Variants in SSRP1 observed in about 807,000 individuals in gnomAD.
SSRP1 encodes the protein structure specific recognition protein 1.
A neutral mutation model predicts 84.4 loss-of-function variants in SSRP1; 21 were observed. The observed-to-expected ratio is 0.25, with a 90% CI of 0.18 to 0.36. The LOEUF (loss-of-function observed/expected upper bound fraction) is 0.36. SSRP1 is among the 10% of genes least tolerant of loss of function. The pLI, the probability that SSRP1 is intolerant of heterozygous loss-of-function variation, is 1.00. For missense variants in SSRP1, 519 were observed against 900.8 expected, an observed-to-expected ratio of 0.58 and a Z score of 5.43; for synonymous variants, 319 against 318.3, an observed-to-expected ratio of 1.00 and a Z score of -0.02.
intron 2 of SSRP1, 72 bp downstream of exon 2, chr11:57,334,994 GCT>G: frequency 6.5e-7 from 1 of 1,546,606 alleles, no homozygotes; most frequent in Non-Finnish European, 8.9e-7. Context: ...ACCAAAGCAA[GCT>G]CTCATTAATG....
intron 12 of SSRP1, chr11:57,329,446 A>G (rs1352283763): frequency 6.4e-6 from 1 of 155,460 alleles, no homozygotes. Flanking sequence ...TGTTCACCAA[A>G]AGAGGCACTT....
chr11:57,330,691 C>A lies in SSRP1; in HGVS notation c.1296+164G>T, dbSNP rs1026626528. ...CTGCATAGACTGGTCTAAGGTCATG[C>A]AGAGGAAACCTGCACCAGGAGGGGG... is the stretch of plus-strand genomic sequence containing the variant. On this transcript the variant is annotated intron_variant, in intron 10 of 16. Transcript: ENST00000278412. This position sits in a 1 kb window ranked among gnomAD's most constrained non-coding sequence, Gnocchi z 4.0. 24 of 1,478,308 alleles carry A rather than the reference C, an allele frequency of 1.6e-5. 1 individual carries two copies. The Admixed American group carries it at 5.3e-4, about 33-fold the overall frequency. 91.6% of individuals were successfully genotyped at this position (1,478,308 alleles called of 1,614,324 possible).
Position 57,335,756 on chromosome 11 carries a change from C to G in SSRP1, c.-146G>C, listed in dbSNP as rs1856204453. 6.6e-6 allele frequency: 1 copy of G among 152,272 alleles called. No homozygotes were observed. Among genetic ancestry groups the G allele is most frequent in the Admixed American group, 6.5e-5 (1 of 15,292 alleles). The allele number at this position is 152,272 out of a possible 1,614,324, so 9.4% of individuals were successfully genotyped here. On this transcript the variant is annotated 5_prime_UTR_variant, in exon 1 of 17. Transcript: ENST00000278412. This position sits in a 1 kb window ranked among gnomAD's most constrained non-coding sequence, Gnocchi z 4.6. Reference sequence around the variant, plus strand: ...TCCTCAGGCTGCGGCCTCGCGAGGGCCCCGGCGCGAGAGGTGGGCGCGCTG... The same window carrying G: ...TCCTCAGGCTGCGGCCTCGCGAGGGGCCCGGCGCGAGAGGTGGGCGCGCTG...
In SSRP1 at chr11:57,326,683, G is replaced by A. The variant is rs1470809018; in HGVS notation, c.2058+20C>T. 2.5e-6 allele frequency: 4 copies of A among 1,609,404 alleles called. No homozygotes were observed. The highest frequency in any genetic ancestry group is 2.2e-5 in the South Asian group (2 of 90,604). On this transcript the variant is annotated intron_variant, in intron 16 of 16. Transcript: ENST00000278412. ...GCCCCTCACCCTGCCCAGCCCACAG[G>A]CCCCACATTCCTGCCGCACCTCGCT...
intron 15 of SSRP1, 67 bp from the exon 16 acceptor site, chr11:57,326,956 C>G (rs974665275): frequency 6.8e-7 from 1 of 1,472,062 alleles, no homozygotes. Context: ...AAACCTCTCC[C>G]AGCTTTAACA....
chr11:57,332,017 C>T lies in SSRP1; in HGVS notation c.1002-128G>A, dbSNP rs543243480. The T allele has an allele frequency of 7.3e-6, 11 of 1,515,258 alleles. No individual in the cohort carries two copies. Among genetic ancestry groups the T allele is most frequent in the East Asian group, 4.6e-5 (2 of 43,688 alleles). 93.9% of individuals were successfully genotyped at this position (1,515,258 alleles called of 1,614,324 possible). The stretch of plus-strand genomic sequence containing the variant: ...CCTCACTGAGCTGTTCTGACAGAGG[C>T]GCTGGCACCTATTGTGACACAAGGT... On this transcript the variant is annotated intron_variant, in intron 8 of 16. Coordinates refer to ENST00000278412, the MANE Select transcript of SSRP1 (RefSeq NM_003146.3). This position sits in a 1 kb window ranked among gnomAD's most constrained non-coding sequence, Gnocchi z 5.5.
chr11:57,328,718 C>A, intron 12 of SSRP1: 1 of 310,684 alleles, frequency 3.2e-6, no homozygotes, highest in Non-Finnish European at 6.0e-6. Context: ...CAAACCAGGT[C>A]CTAGTCCATC....
intron 15 of SSRP1, 21 bp from the exon 16 acceptor site, chr11:57,326,910 AG>A: frequency 6.4e-7 from 1 of 1,565,866 alleles, no homozygotes; most frequent in Non-Finnish European, 8.7e-7. Flanking sequence ...AAGAGGGAAG[AG>A]GAGCTGGGCC....
At chr11:57,326,647 C>G in intron 16 of SSRP1, 56 bp downstream of exon 16, 1 of 1,594,284 alleles carries the variant, frequency 6.3e-7, no homozygotes, top group South Asian at 1.1e-5. Flanking sequence ...CAACCCCACA[C>G]AGACACACAT....
In SSRP1 at chr11:57,332,568, T is replaced by C. The variant is rs990732214; in HGVS notation, c.768+57A>G. 5 of 1,604,276 alleles carry C rather than the reference T, an allele frequency of 3.1e-6. No homozygotes were observed. Among genetic ancestry groups the C allele is most frequent in the African/African-American group, 2.7e-5 (2 of 74,670 alleles). On this transcript the variant is annotated intron_variant, in intron 6 of 16. Coordinates refer to ENST00000278412, the MANE Select transcript of SSRP1 (RefSeq NM_003146.3). This position sits in a 1 kb window ranked among gnomAD's most constrained non-coding sequence, Gnocchi z 5.5. ...GAATTCTGCACACCAGTGAGATCCA[T>C]CTACTTAACACTTAGGCAAAAACCA...
In SSRP1 at chr11:57,332,899, C is replaced by A. The variant is rs1252232368; in HGVS notation, c.538-44G>T. ...GTAGCCAAGCAGCAGGCCCTGCTCCCAGGCCAGCCAATGCCTGCTCAGCAC... is the reference window on the plus strand; with the variant it reads ...GTAGCCAAGCAGCAGGCCCTGCTCCAAGGCCAGCCAATGCCTGCTCAGCAC... On this transcript the variant is annotated intron_variant, in intron 5 of 16. Coordinates refer to ENST00000278412, the MANE Select transcript of SSRP1 (RefSeq NM_003146.3). The surrounding 1 kb of genome is among the most constrained non-coding windows in gnomAD (Gnocchi z 5.5). 3 of 1,597,182 alleles carry A rather than the reference C, an allele frequency of 1.9e-6. No individual in the cohort carries two copies. In the Admixed American group the frequency reaches 5.1e-5, roughly 27 times the overall value.
intron 15 of SSRP1, 65 bp from the exon 16 acceptor site, chr11:57,326,954 C>T: frequency 6.8e-7 from 1 of 1,475,886 alleles, no homozygotes; most frequent in Non-Finnish European, 9.0e-7. Context: ...CCAAACCTCT[C>T]CCAGCTTTAA....
chr11:57,333,620 AT>A (rs1335255116), intron 3 of SSRP1, 80 bp from the exon 4 acceptor site: 9 of 1,050,300 alleles, frequency 8.6e-6, no homozygotes, highest in South Asian at 2.6e-5. Flanking sequence ...GGGATTATCT[AT>A]TTCTGAGAAA....
chr11:57,331,496 CA>C (rs1182426592), intron 9 of SSRP1, among the ~76,000 whole-genome samples, 171 bp downstream of exon 9: 2 of 151,840 alleles, frequency 1.3e-5, no homozygotes, highest in Non-Finnish European at 2.9e-5. Context: ...AGAAAGAAAG[CA>C]ATGGAGAGGT....
rs78453370 is a variant in SSRP1, at chr11:57,329,810, C to T, written c.1481+283G>A. ...AGCAAGTAAGTGGCAAGCACCAGCT[C>T]ATTCCCATTCTCTCCTCATCCAACT... On this transcript the variant is annotated intron_variant, in intron 12 of 16. Coordinates refer to ENST00000278412, the MANE Select transcript of SSRP1 (RefSeq NM_003146.3). The T allele has an allele frequency of 6.7e-3, 3,532 of 530,716 alleles. 105 individuals are homozygous for T. The highest frequency in any genetic ancestry group is 0.062 in the African/African-American group (3,256 of 52,756). The allele number at this position is 530,716 out of a possible 1,614,324, so 32.9% of individuals were successfully genotyped here.
At chr11:57,329,716 T>G in intron 12 of SSRP1, 1 of 295,100 alleles carries the variant, frequency 3.4e-6, no homozygotes, top group South Asian at 5.4e-5. Flanking sequence ...CTTAACCAAT[T>G]TAGCAGGGGT....
chr11:57,328,487 G>A (rs1856028747), intron 12 of SSRP1, 61 bp from the exon 13 acceptor site: 10 of 1,600,054 alleles, frequency 6.2e-6, no homozygotes, highest in Middle Eastern at 1.7e-4. Context: ...ACGGCCTCAG[G>A]ACAGGAGGAA....
At chr11:57,328,459 G>A (rs1554964290) in intron 12 of SSRP1, 33 bp from the exon 13 acceptor site, 3 of 1,613,074 alleles carry the variant, frequency 1.9e-6, no homozygotes, top group South Asian at 2.2e-5. Context: ...TAGACTTGAG[G>A]AGGGAAGACA....
At chr11:57,334,358 A>C in intron 3 of SSRP1, 105 bp downstream of exon 3, 1 of 1,395,494 alleles carries the variant, frequency 7.2e-7, no homozygotes, top group Non-Finnish European at 9.8e-7. Flanking sequence ...TAAGGAGCCC[A>C]AACTAGCAAT....
Sources: gnomAD v4.1 joint callset for allele counts (sites outside exome capture counted in the v4.1 genomes callset) on GRCh38, gnomAD v4.1.1 for gene constraint, Gnocchi (gnomAD v3.1) non-coding constraint, MANE v1.5 for transcripts, NCBI Gene and HGNC (gene_info 2026-07-23, HGNC 2026-07-21) for gene names.